IQCM: variants seen among roughly 807,000 people sequenced by gnomAD.
IQCM encodes IQ domain-containing protein M.
In IQCM, 45 loss-of-function variants were observed where a neutral mutation model predicts 57.6. The ratio of observed to expected loss-of-function variants is 0.78; its 90% CI spans 0.62 to 1.00. IQCM has a LOEUF of 1.00. Ranked by LOEUF, IQCM falls within the 50% of genes least tolerant of loss-of-function variation. The pLI is 0.00. For missense variants in IQCM, 468 were observed against 511.6 expected (o/e 0.91, Z 0.82); for synonymous variants, 148 against 158.9 (o/e 0.93, Z 0.51).
At chr4:149,391,571 TA>T (rs1731859511) in intron 13 of IQCM, among the ~76,000 whole-genome samples, 1 of 151,944 alleles carries the variant, frequency 6.6e-6, no homozygotes, top group African/African-American at 2.4e-5. Flanking sequence ...TCTGGATTCA[TA>T]AGGTAGAAAA....
Position 149,669,570 on chromosome 4 carries a change from G to A in IQCM, c.565+12548C>T, listed in dbSNP as rs138702380. Among the ~76,000 whole-genome samples the A allele has an allele frequency of 3.0e-3, 464 of 152,242 alleles. 3 individuals are homozygous for A. The highest frequency in any genetic ancestry group is 6.8e-3 in the Middle Eastern group (2 of 294). The stretch of plus-strand genomic sequence containing the variant: ...CTTGCCCATGCCTATGTCCTGAATG[G>A]TAATGCCCAGGTTTTCTTCTAGGGT... On this transcript the variant is annotated intron_variant, in intron 7 of 13. Transcript: ENST00000636793.
At chr4:149,760,508 C>T (rs1769403385) in intron 2 of IQCM, among the ~76,000 whole-genome samples, 1 of 152,054 alleles carries the variant, frequency 6.6e-6, no homozygotes, top group African/African-American at 2.4e-5. Context: ...GAAAGCACAG[C>T]CAATCTTCCT....
At chr4:149,387,226 G>C (rs1158482854) in intron 13 of IQCM, among the ~76,000 whole-genome samples, 1 of 151,914 alleles carries the variant, frequency 6.6e-6, no homozygotes, top group African/African-American at 2.4e-5. Context: ...ATGATGGAAG[G>C]GGCAAACAAG....
chr4:149,787,576 C>T (rs1028647541), intron 2 of IQCM, among the ~76,000 whole-genome samples: 2 of 152,018 alleles, frequency 1.3e-5, no homozygotes, highest in Non-Finnish European at 2.9e-5. Context: ...ATGCCAAGAA[C>T]ATCCATTGGG....
chr4:149,803,248 T>C (rs866336498), intron 2 of IQCM, among the ~76,000 whole-genome samples: 1 of 151,992 alleles, frequency 6.6e-6, no homozygotes, highest in Non-Finnish European at 1.5e-5. Context: ...CCTTCCTATA[T>C]CATGTTATGT....
chr4:149,478,667 G>A (rs2149745108), intron 12 of IQCM, among the ~76,000 whole-genome samples: 1 of 152,236 alleles, frequency 6.6e-6, no homozygotes, highest in African/African-American at 2.4e-5. Flanking sequence ...GCAGGAAATA[G>A]CACTGTAGCC....
chr4:149,788,627 A>T (rs1048759260), intron 2 of IQCM, among the ~76,000 whole-genome samples: 6 of 152,236 alleles, frequency 3.9e-5, no homozygotes, highest in African/African-American at 1.4e-4. Context: ...CATACAATCC[A>T]GAAGTCCCAT....
intron 12 of IQCM, among the ~76,000 whole-genome samples, chr4:149,465,299 C>G (rs2149716647): frequency 6.6e-6 from 1 of 152,046 alleles, no homozygotes; most frequent in Admixed American, 6.5e-5. Context: ...ATAAATAATA[C>G]AGAAATTTTT....
chr4:149,700,224 A>T (rs1053673612), intron 5 of IQCM, among the ~76,000 whole-genome samples: 3 of 152,056 alleles, frequency 2.0e-5, no homozygotes, highest in African/African-American at 4.8e-5. Context: ...CAGGTCTGAC[A>T]TACTCCTTTC....
At chr4:149,630,264 G>A (rs1223838262) in intron 7 of IQCM, among the ~76,000 whole-genome samples, 6 of 152,158 alleles carry the variant, frequency 3.9e-5, no homozygotes, top group Non-Finnish European at 8.8e-5. Context: ...CAGTTCTTGC[G>A]GGCAATGGAC....
chr4:149,613,325 G>A (rs1438084992), intron 8 of IQCM, among the ~76,000 whole-genome samples: 1 of 152,010 alleles, frequency 6.6e-6, no homozygotes, highest in African/African-American at 2.4e-5. Flanking sequence ...AATTTTTCAA[G>A]TGCATGCCCA....
chr4:149,762,941 G>A (rs909436873), intron 2 of IQCM, among the ~76,000 whole-genome samples: 2 of 151,842 alleles, frequency 1.3e-5, no homozygotes, highest in Non-Finnish European at 2.9e-5. Context: ...TTTACATGAG[G>A]TGCACACATC....
intron 12 of IQCM, among the ~76,000 whole-genome samples, chr4:149,505,827 T>C (rs931204577): frequency 6.6e-6 from 1 of 152,226 alleles, no homozygotes; most frequent in Non-Finnish European, 1.5e-5. Flanking sequence ...CACATTTATA[T>C]AATCATGTAC....
intron 8 of IQCM, among the ~76,000 whole-genome samples, chr4:149,592,393 C>A (rs1344721183): frequency 6.6e-6 from 1 of 152,044 alleles, no homozygotes; most frequent in East Asian, 1.9e-4. Flanking sequence ...AAACTTTTCT[C>A]CCATTCTGTA....
intron 12 of IQCM, among the ~76,000 whole-genome samples, chr4:149,478,457 G>A (rs1458868938): frequency 6.6e-6 from 1 of 152,144 alleles, no homozygotes; most frequent in African/African-American, 2.4e-5. Flanking sequence ...TCACTAACTC[G>A]ACAGTTTAGG....
At chr4:149,369,156 C>T (rs967208228) in intron 13 of IQCM, among the ~76,000 whole-genome samples, 7 of 150,318 alleles carry the variant, frequency 4.7e-5, no homozygotes, top group Admixed American at 1.3e-4. Context: ...GTGATTCTCC[C>T]GCTTCAGCCT....
chr4:149,456,056 A>T (rs1315620900), intron 12 of IQCM, among the ~76,000 whole-genome samples: 3 of 151,160 alleles, frequency 2.0e-5, no homozygotes, highest in South Asian at 2.1e-4. Context: ...GATCCCTATT[A>T]AAAAAAAGAG....
chr4:149,539,549 A>G (rs1579415597), intron 12 of IQCM, among the ~76,000 whole-genome samples: 1 of 152,182 alleles, frequency 6.6e-6, no homozygotes, highest in Non-Finnish European at 1.5e-5. Context: ...GATGTAAATT[A>G]TAACTCAATT....
At chr4:149,670,940 CT>C (rs57287015) in intron 7 of IQCM, among the ~76,000 whole-genome samples, 25,306 of 143,216 alleles carry the variant, frequency 0.18, 2,528 homozygotes, top group South Asian at 0.48. Context: ...AAAATTCTCT[CT>C]TTTTTTTTTT....
Sources: gnomAD v4.1 joint callset for allele counts (sites outside exome capture counted in the v4.1 genomes callset) on GRCh38, gnomAD v4.1.1 for gene constraint, MANE v1.5 for transcripts, NCBI Gene and HGNC (gene_info 2026-07-23, HGNC 2026-07-21) for gene names.